The following AJAP1 variants were observed in gnomAD, a reference collection of about 807,000 sequenced individuals.
The protein encoded by AJAP1 is adherens junction-associated protein 1.
In AJAP1, 5 loss-of-function variants were observed where a neutral mutation model predicts 35.0. That is an observed-to-expected ratio of 0.14 (90% CI 0.07 to 0.30). The LOEUF is 0.30. AJAP1 is among the 10% of genes least tolerant of loss of function. AJAP1 has a pLI of 1.00. For synonymous variants in AJAP1, 284 were observed against 249.3 expected (o/e 1.14, Z -1.31); for missense variants, 586 against 571.0 (o/e 1.03, Z -0.27).
chr1:4,699,156 G>A (rs1639931369), intron 1 of AJAP1, among the ~76,000 whole-genome samples: 1 of 152,160 alleles, frequency 6.6e-6, no homozygotes, highest in Non-Finnish European at 1.5e-5. Flanking sequence ...AGGGTGCGTG[G>A]TGAGTGGGCC....
At chr1:4,662,187 C>A (rs1211193447) in intron 1 of AJAP1, among the ~76,000 whole-genome samples, 1 of 152,200 alleles carries the variant, frequency 6.6e-6, no homozygotes, top group East Asian at 1.9e-4. Context: ...TTGCCATGGT[C>A]CAGTTTCAGC....
At chr1:4,747,513 C>G (rs975819785) in intron 2 of AJAP1, among the ~76,000 whole-genome samples, 1 of 152,196 alleles carries the variant, frequency 6.6e-6, no homozygotes, top group Non-Finnish European at 1.5e-5. Context: ...CTGTGCCGCC[C>G]CCTTCCCTCC....
At chr1:4,699,114 C>T (rs1639929891) in intron 1 of AJAP1, among the ~76,000 whole-genome samples, 1 of 152,192 alleles carries the variant, frequency 6.6e-6, no homozygotes, top group African/African-American at 2.4e-5. Flanking sequence ...CACACCCACC[C>T]TGGGGCCCAG....
At chr1:4,731,023 T>G (rs763420185) in intron 2 of AJAP1, among the ~76,000 whole-genome samples, 17 of 152,146 alleles carry the variant, frequency 1.1e-4, no homozygotes, top group Admixed American at 5.9e-4. Context: ...AGAACATTTG[T>G]TTTTTGTTTT....
chr1:4,726,250 G>A (rs1008640415), intron 2 of AJAP1, among the ~76,000 whole-genome samples: 2 of 152,244 alleles, frequency 1.3e-5, no homozygotes, highest in Non-Finnish European at 2.9e-5. Flanking sequence ...ATCTTTTAAG[G>A]CTGCCGTGCT....
At chr1:4,737,909 C>A (rs564664728) in intron 2 of AJAP1, among the ~76,000 whole-genome samples, 3 of 150,726 alleles carry the variant, frequency 2.0e-5, no homozygotes, top group Non-Finnish European at 4.5e-5. Context: ...TTCAAAAAAA[C>A]CAAAACCAAA....
At chr1:4,717,914 AG>A (rs1640432983) in intron 2 of AJAP1, among the ~76,000 whole-genome samples, 1 of 152,242 alleles carries the variant, frequency 6.6e-6, no homozygotes, top group Non-Finnish European at 1.5e-5. Context: ...GTTTGCTACC[AG>A]GGAAGTGAAT....
chr1:4,730,199 C>T (rs1275342711), intron 2 of AJAP1, among the ~76,000 whole-genome samples: 2 of 152,326 alleles, frequency 1.3e-5, no homozygotes, highest in South Asian at 4.2e-4. Flanking sequence ...GATTGCTAAT[C>T]GTTTATTTAA....
chr1:4,732,095 C>G (rs1485127685), intron 2 of AJAP1, among the ~76,000 whole-genome samples: 1 of 152,248 alleles, frequency 6.6e-6, no homozygotes, highest in Non-Finnish European at 1.5e-5. Flanking sequence ...TGGGGAGGTA[C>G]AGGGCACACA....
At chr1:4,777,112 A>G (rs1641956071) in intron 5 of AJAP1, among the ~76,000 whole-genome samples, 1 of 152,250 alleles carries the variant, frequency 6.6e-6, no homozygotes, top group Non-Finnish European at 1.5e-5. Flanking sequence ...TATCCCCTGA[A>G]TCTTGCAATT....
chr1:4,780,633 C>CATTTTT (rs1642040420), intron 5 of AJAP1, among the ~76,000 whole-genome samples: 1 of 131,456 alleles, frequency 7.6e-6, no homozygotes, highest in African/African-American at 2.9e-5. Context: ...TTCTTTCTTT[C>CATTTTT]TTTTTTTTTT....
intron 1 of AJAP1, among the ~76,000 whole-genome samples, chr1:4,708,579 C>G (rs1640153687): frequency 6.6e-6 from 1 of 152,212 alleles, no homozygotes; most frequent in Non-Finnish European, 1.5e-5. Context: ...TCAGAGCCGC[C>G]CAAGGGATGA....
Position 4,718,851 on chromosome 1 carries a change from CCTTTA to C in AJAP1, c.829+6156_829+6160del, listed in dbSNP as rs1354273947. ...TTCTTTCACCAGGCCTGGAGAGGTGCCTTTACTTGTTGACCTGTTCAGGAGTTTCC... is the reference window on the plus strand; with the variant it reads ...TTCTTTCACCAGGCCTGGAGAGGTGCCTTGTTGACCTGTTCAGGAGTTTCC... On this transcript the variant is annotated intron_variant, in intron 2 of 5. Coordinates refer to ENST00000378191, the MANE Select transcript of AJAP1 (RefSeq NM_018836.4). 3.9e-5 allele frequency among the ~76,000 whole-genome samples: 6 copies of C among 152,174 alleles called. No individual in the cohort carries two copies. The South Asian group carries it at 1.0e-3, about 26-fold the overall frequency.
rs1194171422 is a variant in AJAP1 at position 4,782,866 on chromosome 1, G to T, written c.*381G>T. On this transcript the variant is annotated 3_prime_UTR_variant, in exon 6 of 6. Coordinates refer to ENST00000378191, the MANE Select transcript of AJAP1 (RefSeq NM_018836.4). This position sits in a 1 kb window ranked among gnomAD's most constrained non-coding sequence, Gnocchi z 5.3. Reference sequence around the variant, plus strand: ...AACCTAGGATTCGTCCTACGATTCTGAACCTGTGCCAATAATACCATTATG... The same window carrying T: ...AACCTAGGATTCGTCCTACGATTCTTAACCTGTGCCAATAATACCATTATG... The T allele has an allele frequency of 7.5e-6, 3 of 398,492 alleles. No homozygotes were observed. The highest frequency in any genetic ancestry group is 4.4e-5 in the Admixed American group (1 of 22,718). 24.7% of individuals were successfully genotyped at this position (398,492 alleles called of 1,614,324 possible).
rs771528100 is a variant in AJAP1, at chr1:4,692,191, G to A, written c.30-19709G>A. ...CCCGCTTAATAGGTGAGGAAACTTA[G>A]GCACAGAGGCACTCACTGTGCCAGG... is the stretch of plus-strand genomic sequence containing the variant. On this transcript the variant is annotated intron_variant, in intron 1 of 5. Transcript: ENST00000378191. This position sits in a 1 kb window ranked among gnomAD's most constrained non-coding sequence, Gnocchi z 4.4. Among the ~76,000 whole-genome samples, 43 of 152,142 alleles carry A rather than the reference G, an allele frequency of 2.8e-4. No individual in the cohort carries two copies. The highest frequency in any genetic ancestry group is 5.7e-4 in the Non-Finnish European group (39 of 68,030).
At chr1:4,757,337 G>A (rs1036875889) in intron 2 of AJAP1, among the ~76,000 whole-genome samples, 2 of 152,244 alleles carry the variant, frequency 1.3e-5, no homozygotes, top group Non-Finnish European at 2.9e-5. Flanking sequence ...GTGGCCAGCT[G>A]TTCGCTGATC....
intron 2 of AJAP1, among the ~76,000 whole-genome samples, chr1:4,748,480 T>G (rs2100328427): frequency 6.6e-6 from 1 of 151,918 alleles, no homozygotes; most frequent in South Asian, 2.1e-4. Flanking sequence ...GGGTGCGGTG[T>G]CTCACGCCTG....
At position 4,742,803 on chromosome 1, in the gene AJAP1, T is replaced by C. The variant is rs144971746; in HGVS notation, c.830-27050T>C. ...AGAAAATGGTTTAGGGTTAGTACTT[T>C]TACTTTTCCCCAAAAGCCCTGATAC... On this transcript the variant is annotated intron_variant, in intron 2 of 5. Coordinates refer to ENST00000378191, the MANE Select transcript of AJAP1 (RefSeq NM_018836.4). Among the ~76,000 whole-genome samples the C allele has an allele frequency of 9.7e-3, 1,470 of 152,272 alleles. 15 individuals carry two copies. The highest frequency in any genetic ancestry group is 0.032 in the African/African-American group (1,310 of 41,548).
rs1353692770 is a variant in AJAP1, at chr1:4,772,436, C to A, written c.1074C>A (p.His358Gln). Residue 358 changes from histidine (H) to glutamine (Q), a missense_variant, in exon 4 of 6, where the codon CAC (histidine) becomes CAA (glutamine). Transcript: ENST00000378191. Reference protein sequence around the residue: ...TAYNETLQCSHECVRASVPVY... With the variant: ...TAYNETLQCSQECVRASVPVY... Reference sequence around the variant, plus strand: ...ATAACGAGACCCTGCAGTGTTCTCACGAGTGCGTCAGGGCATCTGTGCCCG... The same window carrying A: ...ATAACGAGACCCTGCAGTGTTCTCAAGAGTGCGTCAGGGCATCTGTGCCCG... 7 of 1,614,234 alleles carry A rather than the reference C, an allele frequency of 4.3e-6. No individual in the cohort carries two copies. The highest frequency in any genetic ancestry group is 1.7e-5 in the Admixed American group (1 of 60,026).
Sources: gnomAD v4.1 joint callset for allele counts (sites outside exome capture counted in the v4.1 genomes callset) on GRCh38, gnomAD v4.1.1 for gene constraint, Gnocchi (gnomAD v3.1) non-coding constraint, MANE v1.5 for transcripts, NCBI Gene and HGNC (gene_info 2026-07-23, HGNC 2026-07-21) for gene names.